Variants in FAM227B observed in about 807,000 individuals in gnomAD.
FAM227B encodes the protein protein FAM227B.
FAM227B carries 88 observed loss-of-function variants against 73.8 expected under a neutral mutation model. The observed-to-expected ratio is 1.19, with a 90% CI of 1.00 to 1.42. The LOEUF (loss-of-function observed/expected upper bound fraction) is 1.42. Among genes scored for constraint, FAM227B ranks in the 40% most tolerant of loss-of-function variants. The pLI, the probability that FAM227B is intolerant of heterozygous loss-of-function variation, is 0.00. For synonymous variants in FAM227B, 210 were observed against 190.5 expected (o/e 1.10, Z -0.84); for missense variants, 632 against 590.9 (o/e 1.07, Z -0.72).
intron 11 of FAM227B, among the ~76,000 whole-genome samples, chr15:49,496,448 A>G (rs1470361507): frequency 6.6e-6 from 1 of 152,166 alleles, no homozygotes; most frequent in Non-Finnish European, 1.5e-5. Flanking sequence ...ATTGTACCAC[A>G]ATAAAGAAAT....
At chr15:49,338,355 G>A (rs1308458053) in intron 13 of FAM227B, among the ~76,000 whole-genome samples, 1 of 152,158 alleles carries the variant, frequency 6.6e-6, no homozygotes, top group Non-Finnish European at 1.5e-5. Context: ...TTCCTTGTCT[G>A]TAAAGATTTT....
chr15:49,530,932 T>C (rs1220184954), intron 10 of FAM227B, among the ~76,000 whole-genome samples: 5 of 151,754 alleles, frequency 3.3e-5, no homozygotes, highest in African/African-American at 9.7e-5. Flanking sequence ...ATATAATACA[T>C]AGAATCCTAT....
intron 11 of FAM227B, among the ~76,000 whole-genome samples, chr15:49,415,632 A>C (rs1212847815): frequency 1.3e-5 from 2 of 152,224 alleles, no homozygotes; most frequent in Non-Finnish European, 2.9e-5. Context: ...AATTTAGATT[A>C]GCATTTCAGA....
intron 3 of FAM227B, among the ~76,000 whole-genome samples, chr15:49,610,730 G>A (rs1472626303): frequency 6.6e-6 from 1 of 152,076 alleles, no homozygotes; most frequent in Non-Finnish European, 1.5e-5. Context: ...GGAAGACTTA[G>A]CAAGTCCAAT....
At chr15:49,333,216 G>T (rs2039112597) in intron 14 of FAM227B, among the ~76,000 whole-genome samples, 1 of 152,068 alleles carries the variant, frequency 6.6e-6, no homozygotes, top group Non-Finnish European at 1.5e-5. Context: ...CAGTTCAGTG[G>T]TTTTAGTACA....
intron 9 of FAM227B, among the ~76,000 whole-genome samples, chr15:49,547,851 G>A (rs2072173556): frequency 6.6e-6 from 1 of 152,162 alleles, no homozygotes; most frequent in South Asian, 2.1e-4. Flanking sequence ...CAAGAAATTA[G>A]ATATACAGCA....
chr15:49,583,443 A>G (rs1210483702), intron 5 of FAM227B, among the ~76,000 whole-genome samples: 2 of 152,132 alleles, frequency 1.3e-5, no homozygotes, highest in Non-Finnish European at 2.9e-5. Flanking sequence ...CACTCCCACC[A>G]GCACCATGAC....
rs530283011 is a variant in FAM227B at position 49,418,378 on chromosome 15, A to T, written c.1013-46979T>A. On this transcript the variant is annotated intron_variant, in intron 11 of 15. Coordinates refer to ENST00000299338, the MANE Select transcript of FAM227B (RefSeq NM_152647.3). Reference sequence around the variant, plus strand: ...CATGCATGTGTATGTTCATTGCAGCACTATTCACAATAGCAAAGATATGGA... The same window carrying T: ...CATGCATGTGTATGTTCATTGCAGCTCTATTCACAATAGCAAAGATATGGA... Among the ~76,000 whole-genome samples the T allele has an allele frequency of 3.4e-4, 52 of 152,334 alleles. 1 individual carries two copies. The East Asian group carries it at 7.3e-3, about 21-fold the overall frequency.
intron 11 of FAM227B, chr15:49,423,929 T>C (rs2049905022): frequency 1.1e-5 from 2 of 186,498 alleles, no homozygotes; most frequent in African/African-American, 2.4e-5. Flanking sequence ...GAATAACCTA[T>C]ACTGTATTCT....
rs1160497045 is a variant in FAM227B, at chr15:49,482,492, C to G, written c.1012+25719G>C. 4.6e-5 allele frequency among the ~76,000 whole-genome samples: 7 copies of G among 152,072 alleles called. No individual in the cohort carries two copies. In the South Asian group the frequency reaches 1.0e-3, roughly 23 times the overall value. ...ACAATCTTTTTTTTAAGGCAGTAGG[C>G]TCTGTTTACCATCATTTACACTTGC... is the stretch of plus-strand genomic sequence containing the variant. On this transcript the variant is annotated intron_variant, in intron 11 of 15. Coordinates refer to ENST00000299338, the MANE Select transcript of FAM227B (RefSeq NM_152647.3).
At chr15:49,368,919 AG>A (rs1429996925) in intron 12 of FAM227B, among the ~76,000 whole-genome samples, 2 of 152,158 alleles carry the variant, frequency 1.3e-5, no homozygotes, top group East Asian at 3.9e-4. Context: ...AGAGGCAAAT[AG>A]GTATTAAATG....
intron 11 of FAM227B, among the ~76,000 whole-genome samples, chr15:49,491,516 G>A (rs1265409265): frequency 6.6e-6 from 1 of 151,750 alleles, no homozygotes; most frequent in African/African-American, 2.4e-5. Context: ...TTCTGCCTCT[G>A]AGTTTTGTCT....
At chr15:49,514,281 G>A (rs2059233811) in intron 10 of FAM227B, among the ~76,000 whole-genome samples, 1 of 152,042 alleles carries the variant, frequency 6.6e-6, no homozygotes. Context: ...CATGAGCAGT[G>A]GTTTGCAGCT....
intron 11 of FAM227B, chr15:49,424,250 A>C: frequency 6.5e-7 from 1 of 1,534,554 alleles, no homozygotes; most frequent in Non-Finnish European, 8.9e-7. Flanking sequence ...TCAACTCAAG[A>C]TTCATTTTCA....
At chr15:49,462,821 T>C (rs1488958627) in intron 11 of FAM227B, among the ~76,000 whole-genome samples, 2 of 152,220 alleles carry the variant, frequency 1.3e-5, no homozygotes, top group Non-Finnish European at 2.9e-5. Context: ...AAAGGATGAC[T>C]GTATTCTGAA....
intron 9 of FAM227B, among the ~76,000 whole-genome samples, chr15:49,555,721 T>C (rs2073593740): frequency 6.6e-6 from 1 of 152,238 alleles, no homozygotes; most frequent in African/African-American, 2.4e-5. Context: ...CCCATATCTC[T>C]AGAAGGTTTT....
chr15:49,493,888 A>ATATATATATATGTGTG (rs146161182), intron 11 of FAM227B, among the ~76,000 whole-genome samples: 1 of 148,832 alleles, frequency 6.7e-6, no homozygotes, highest in African/African-American at 2.5e-5. Flanking sequence ...ATATATATAT[A>ATATATATATATGTGTG]TGTGTGTGTG....
intron 9 of FAM227B, among the ~76,000 whole-genome samples, chr15:49,543,271 A>AT (rs2071340184): frequency 6.6e-6 from 1 of 151,918 alleles, no homozygotes; most frequent in African/African-American, 2.4e-5. Flanking sequence ...GATGTAGTGC[A>AT]TTTTTTCATA....
Position 49,576,799 on chromosome 15 carries a change from G to C in FAM227B, c.488C>G (p.Pro163Arg). The C allele has an allele frequency of 6.2e-7, 1 of 1,612,946 alleles. No individual in the cohort carries two copies. Among genetic ancestry groups the C allele is most frequent in the Non-Finnish European group, 8.5e-7 (1 of 1,179,398 alleles). ...AATTTGTTCAGCATCCAAATGTCTGGGTAGCTGAGTAAGTTCATTTGCTTT... is the reference window on the plus strand; with the variant it reads ...AATTTGTTCAGCATCCAAATGTCTGCGTAGCTGAGTAAGTTCATTTGCTTT... Reference protein sequence around the residue: ...GFKANELTQLPRHLDAEQIYL... With the variant: ...GFKANELTQLRRHLDAEQIYL... The change falls in exon 7 of 16, where the codon CCC becomes CGC. Residue 163 changes from proline (P) to arginine (R), a missense_variant. By Grantham distance (103) the Pro-to-Arg change is moderately radical. Coordinates refer to ENST00000299338, the MANE Select transcript of FAM227B (RefSeq NM_152647.3).
Sources: gnomAD v4.1 joint callset for allele counts (sites outside exome capture counted in the v4.1 genomes callset) on GRCh38, gnomAD v4.1.1 for gene constraint, MANE v1.5 for transcripts, NCBI Gene and HGNC (gene_info 2026-07-23, HGNC 2026-07-21) for gene names.